COMMD1: variants seen among roughly 807,000 people sequenced by gnomAD.
COMMD1 encodes the protein copper metabolism domain containing 1, also known as COMM domain-containing protein 1.
COMMD1 carries 10 observed loss-of-function variants against 17.2 expected under a neutral mutation model. That is an observed-to-expected ratio of 0.58 (90% confidence interval 0.36 to 0.99). The LOEUF (loss-of-function observed/expected upper bound fraction) is 0.99. Among genes scored for constraint, COMMD1 ranks in the 50% least tolerant of loss-of-function variants. COMMD1 has a pLI of 0.01. For synonymous variants in COMMD1, 97 were observed against 91.6 expected (o/e 1.06, Z -0.34); for missense variants, 270 against 231.8 (o/e 1.17, Z -1.07).
chr2:61,905,239 C>T (rs1048105242), upstream of COMMD1, among the ~76,000 whole-genome samples: 1 of 152,100 alleles, frequency 6.6e-6, no homozygotes, highest in African/African-American at 2.4e-5. Flanking sequence ...GATAGTTAAA[C>T]TTCCTGAAAA....
At chr2:62,030,159 T>C (rs1669874395) in intron 2 of COMMD1, among the ~76,000 whole-genome samples, 1 of 152,226 alleles carries the variant, frequency 6.6e-6, no homozygotes, top group Admixed American at 6.5e-5. Flanking sequence ...TGGGCAGGGC[T>C]CTCTCTGGGA....
intron 1 of COMMD1, among the ~76,000 whole-genome samples, chr2:61,983,700 T>G (rs777642245): frequency 3.9e-5 from 6 of 152,146 alleles, no homozygotes; most frequent in Non-Finnish European, 8.8e-5. Context: ...TCTTTTTTTA[T>G]CTCTAATTTT....
intron 1 of COMMD1, among the ~76,000 whole-genome samples, chr2:61,978,552 T>C (rs1292437163): frequency 6.6e-6 from 1 of 152,222 alleles, no homozygotes; most frequent in East Asian, 1.9e-4. Context: ...ACAGTCATTT[T>C]GCTCTTGAAT....
At chr2:61,940,681 G>C (rs1670720582) in intron 1 of COMMD1, among the ~76,000 whole-genome samples, 1 of 151,856 alleles carries the variant, frequency 6.6e-6, no homozygotes, top group South Asian at 2.1e-4. Flanking sequence ...TCACTCTTCT[G>C]GGATGAATTC....
Position 62,136,037 on chromosome 2 carries a change from T to C in COMMD1, c.*96T>C. 1.4e-6 allele frequency: 1 copy of C among 733,030 alleles called. No homozygotes were observed. The highest frequency in any genetic ancestry group is 1.9e-5 in the Admixed American group (1 of 52,444). The allele number at this position is 733,030 out of a possible 1,614,324, so 45.4% of individuals were successfully genotyped here. A position where few individuals can be genotyped will look rare whatever the true frequency, so the allele number is the denominator to read the frequency against. On this transcript the variant is annotated 3_prime_UTR_variant, in exon 3 of 3. Transcript: ENST00000311832. ...AAGAAAATTCTTGTGCCCGCATTGG[T>C]ATTAAATCCTCGCATTCAGTCTTCC...
At chr2:62,016,646 A>G (rs1669458419) in intron 2 of COMMD1, among the ~76,000 whole-genome samples, 1 of 151,892 alleles carries the variant, frequency 6.6e-6, no homozygotes, top group East Asian at 1.9e-4. Flanking sequence ...TGGATTTGCA[A>G]ATATTTTCTC....
chr2:62,059,284 A>T (rs1349070539), intron 2 of COMMD1, among the ~76,000 whole-genome samples: 1 of 151,900 alleles, frequency 6.6e-6, no homozygotes, highest in Non-Finnish European at 1.5e-5. Context: ...CCTCCCTAGT[A>T]GCTGGGACCA....
intron 2 of COMMD1, among the ~76,000 whole-genome samples, chr2:62,120,392 T>A (rs1672711815): frequency 6.6e-6 from 1 of 152,074 alleles, no homozygotes; most frequent in Non-Finnish European, 1.5e-5. Flanking sequence ...AAATGAGTTG[T>A]TGCAAATGGA....
At position 62,054,770 on chromosome 2, in the gene COMMD1, A is replaced by G. The variant is rs116593958; in HGVS notation, c.462+53788A>G. ...TTGGTTAGTGGGTACAATTTACCTT[A>G]TTTGGGTGATGGATACCCTAAAAGC... On this transcript the variant is annotated intron_variant, in intron 2 of 2. Transcript: ENST00000311832. 3.8e-3 allele frequency among the ~76,000 whole-genome samples: 573 copies of G among 152,034 alleles called. 3 individuals are homozygous for G. Among genetic ancestry groups the G allele is most frequent in the Non-Finnish European group, 6.1e-3 (412 of 67,796 alleles).
chr2:62,101,385 G>A (rs1315374711), intron 2 of COMMD1, among the ~76,000 whole-genome samples: 1 of 152,152 alleles, frequency 6.6e-6, no homozygotes, highest in Non-Finnish European at 1.5e-5. Flanking sequence ...CGAGATGGGA[G>A]GATCACTTCA....
chr2:61,988,366 G>T (rs1352170266), intron 1 of COMMD1, among the ~76,000 whole-genome samples: 2 of 152,134 alleles, frequency 1.3e-5, no homozygotes, highest in African/African-American at 4.8e-5. Flanking sequence ...AGGCCCTTTA[G>T]TCAGGAGGTG....
intron 1 of COMMD1, among the ~76,000 whole-genome samples, chr2:61,942,942 T>C (rs116612080): frequency 5.3e-5 from 8 of 152,194 alleles, no homozygotes; most frequent in East Asian, 3.9e-4. Context: ...TATATATATA[T>C]ACACTCATAC....
intron 2 of COMMD1, among the ~76,000 whole-genome samples, chr2:62,060,857 T>A (rs1055515758): frequency 2.6e-5 from 4 of 152,194 alleles, no homozygotes; most frequent in South Asian, 4.1e-4. Context: ...TTAATTTTTT[T>A]AATACTGCAT....
chr2:62,088,973 T>C (rs139355420), intron 2 of COMMD1, among the ~76,000 whole-genome samples: 465 of 152,366 alleles, frequency 3.1e-3, no homozygotes, highest in African/African-American at 0.01. Context: ...TAGGTAAATC[T>C]AAACATTTTC....
chr2:61,988,482 C>T (rs1299344720), intron 1 of COMMD1, among the ~76,000 whole-genome samples: 1 of 152,156 alleles, frequency 6.6e-6, no homozygotes, highest in African/African-American at 2.4e-5. Context: ...GGAATGGGGG[C>T]CTCATGACTC....
At chr2:62,005,937 A>G (rs1669100158) in intron 2 of COMMD1, among the ~76,000 whole-genome samples, 1 of 152,108 alleles carries the variant, frequency 6.6e-6, no homozygotes, top group East Asian at 1.9e-4. Context: ...AAAGACTTGG[A>G]ACCAACCCAA....
chr2:61,960,422 G>A (rs1057326983), intron 1 of COMMD1, among the ~76,000 whole-genome samples: 2 of 152,118 alleles, frequency 1.3e-5, no homozygotes, highest in African/African-American at 4.8e-5. Context: ...CAACAAGAAG[G>A]AGTATACTTA....
chr2:61,980,901 A>G (rs1256720944), intron 1 of COMMD1, among the ~76,000 whole-genome samples: 4 of 152,140 alleles, frequency 2.6e-5, no homozygotes, highest in African/African-American at 9.7e-5. Flanking sequence ...TTCTTTGATG[A>G]TCAATGATGT....
At chr2:61,923,141 A>C (rs961425470) in intron 1 of COMMD1, among the ~76,000 whole-genome samples, 1 of 152,218 alleles carries the variant, frequency 6.6e-6, no homozygotes, top group African/African-American at 2.4e-5. Flanking sequence ...GGACTCAAAA[A>C]CAGAAACTGC....
Sources: gnomAD v4.1 joint callset for allele counts (sites outside exome capture counted in the v4.1 genomes callset) on GRCh38, gnomAD v4.1.1 for gene constraint, MANE v1.5 for transcripts, NCBI Gene and HGNC (gene_info 2026-07-23, HGNC 2026-07-21) for gene names.